The following SAMMSON variants were observed in gnomAD, a reference collection of about 807,000 sequenced individuals.
SAMMSON encodes the protein survival associated mitochondrial melanoma specific oncogenic non-coding RNA.
intron 4 of SAMMSON, among the ~76,000 whole-genome samples, chr3:70,189,433 C>T (rs1006059761): frequency 1.3e-5 from 2 of 152,148 alleles, no homozygotes; most frequent in African/African-American, 4.8e-5. Flanking sequence ...TCCTACAGGA[C>T]CAATCCAGCT....
intron 7 of SAMMSON, among the ~76,000 whole-genome samples, chr3:70,331,615 G>A (rs1702622052): frequency 6.6e-6 from 1 of 152,192 alleles, no homozygotes; most frequent in African/African-American, 2.4e-5. Flanking sequence ...TCAGAGATGT[G>A]CACTTTCACC....
intron 2 of SAMMSON, among the ~76,000 whole-genome samples, chr3:70,426,061 A>C (rs1701363761): frequency 6.6e-6 from 1 of 152,182 alleles, no homozygotes; most frequent in Non-Finnish European, 1.5e-5. Flanking sequence ...AGCACATGTG[A>C]TGTTTTCCTA....
At chr3:70,133,805 C>G (rs1269064483) in intron 4 of SAMMSON, among the ~76,000 whole-genome samples, 1 of 152,070 alleles carries the variant, frequency 6.6e-6, no homozygotes, top group Non-Finnish European at 1.5e-5. Context: ...TTTTTCCTTA[C>G]TCAGTCATAA....
At chr3:70,207,725 A>G (rs1701305850) in intron 4 of SAMMSON, among the ~76,000 whole-genome samples, 3 of 152,142 alleles carry the variant, frequency 2.0e-5, no homozygotes. Context: ...AGTATTAGGT[A>G]TGATAAATAA....
intron 2 of SAMMSON, among the ~76,000 whole-genome samples, chr3:70,421,027 T>A (rs1199204386): frequency 6.6e-6 from 1 of 152,126 alleles, no homozygotes; most frequent in Non-Finnish European, 1.5e-5. Context: ...TAACTACAAC[T>A]TTCATTTATG....
Position 70,337,335 on chromosome 3 carries a change from A to G in SAMMSON, n.740-16840A>G, listed in dbSNP as rs1702672834. On this transcript the variant is annotated intron_variant and non_coding_transcript_variant, in intron 7 of 9. Coordinates refer to ENST00000642114, the Ensembl canonical transcript of SAMMSON. Reference sequence around the variant, plus strand: ...TGGTCCCAGATTTAGAACCATACACAGAGTACCAGCTCCTCTTCTAGTCAA... The same window carrying G: ...TGGTCCCAGATTTAGAACCATACACGGAGTACCAGCTCCTCTTCTAGTCAA... 2.0e-5 allele frequency among the ~76,000 whole-genome samples: 3 copies of G among 151,470 alleles called. No homozygotes were observed. In the South Asian group the frequency reaches 6.2e-4, roughly 31 times the overall value.
chr3:70,144,716 G>A (rs1251235555), intron 4 of SAMMSON, among the ~76,000 whole-genome samples: 4 of 152,074 alleles, frequency 2.6e-5, no homozygotes, highest in Non-Finnish European at 5.9e-5. Context: ...TGCTGTTCCT[G>A]TGATAATGAA....
chr3:70,029,230 A>T (rs543775994), intron 3 of SAMMSON, among the ~76,000 whole-genome samples: 6 of 132,052 alleles, frequency 4.5e-5, no homozygotes, highest in African/African-American at 1.9e-4. Context: ...TCAGCCAGAC[A>T]CATACATAAT....
At chr3:70,062,967 T>A (rs982069276) in intron 3 of SAMMSON, among the ~76,000 whole-genome samples, 1 of 152,090 alleles carries the variant, frequency 6.6e-6, no homozygotes, top group South Asian at 2.1e-4. Context: ...TCCTTTATTT[T>A]TGAAAATGTT....
At chr3:70,106,792 C>T (rs1164237156) in intron 4 of SAMMSON, among the ~76,000 whole-genome samples, 1 of 152,162 alleles carries the variant, frequency 6.6e-6, no homozygotes, top group Non-Finnish European at 1.5e-5. Context: ...GTACACTTGT[C>T]TGGGATATAC....
chr3:70,294,074 A>G (rs1209562509), intron 7 of SAMMSON, among the ~76,000 whole-genome samples: 1 of 152,108 alleles, frequency 6.6e-6, no homozygotes, highest in Admixed American at 6.6e-5. Context: ...TTATAAAGAC[A>G]TGGCCATGTT....
At chr3:70,325,317 C>T (rs1190831764) in intron 7 of SAMMSON, among the ~76,000 whole-genome samples, 2 of 152,100 alleles carry the variant, frequency 1.3e-5, no homozygotes, top group Non-Finnish European at 2.9e-5. Flanking sequence ...TGTTGAGATA[C>T]ACTGTAAGTA....
chr3:70,395,899 G>A (rs1240919253), intron 2 of SAMMSON, among the ~76,000 whole-genome samples: 1 of 152,014 alleles, frequency 6.6e-6, no homozygotes, highest in African/African-American at 2.4e-5. Flanking sequence ...AGACAACCTG[G>A]GTCTGAACCT....
At chr3:70,054,592 T>A (rs1222787349) in intron 3 of SAMMSON, among the ~76,000 whole-genome samples, 1 of 152,092 alleles carries the variant, frequency 6.6e-6, no homozygotes, top group Non-Finnish European at 1.5e-5. Context: ...AACTTGACCA[T>A]GGTCACCATG....
chr3:70,031,301 G>A (rs1419248969), intron 3 of SAMMSON, among the ~76,000 whole-genome samples: 1 of 152,048 alleles, frequency 6.6e-6, no homozygotes, highest in Non-Finnish European at 1.5e-5. Flanking sequence ...GGACAAATAT[G>A]GTATGATTCC....
intron 4 of SAMMSON, chr3:70,125,837 T>C: frequency 1.5e-6 from 1 of 668,194 alleles, no homozygotes; most frequent in Non-Finnish European, 2.7e-6. Flanking sequence ...GCTAGTTCCA[T>C]TAGTTTGTTC....
intron 7 of SAMMSON, among the ~76,000 whole-genome samples, chr3:70,304,714 A>G (rs1190724451): frequency 1.3e-5 from 2 of 152,058 alleles, no homozygotes; most frequent in South Asian, 2.1e-4. Flanking sequence ...ATACTCTCCT[A>G]CTTTATTTCT....
rs571138868 is a variant in SAMMSON at position 70,007,933 on chromosome 3, G to A, written n.23-4424G>A. ...TTTCCCCATTTCTTTTTTTTGTCAG[G>A]TTGTCAAAGATCAGATGGTTGTAGA... On this transcript the variant is annotated intron_variant and non_coding_transcript_variant, in intron 1 of 9. Transcript: ENST00000642114. Among the ~76,000 whole-genome samples, 62 of 151,828 alleles carry A rather than the reference G, an allele frequency of 4.1e-4. No homozygotes were observed. The South Asian group carries it at 5.0e-3, about 12-fold the overall frequency.
intron 4 of SAMMSON, among the ~76,000 whole-genome samples, chr3:70,196,143 G>C (rs1291137404): frequency 1.3e-5 from 2 of 152,136 alleles, no homozygotes; most frequent in African/African-American, 4.8e-5. Context: ...GTGAAGAATT[G>C]AGATTTTTTT....
Sources: gnomAD v4.1 joint callset for allele counts (sites outside exome capture counted in the v4.1 genomes callset) on GRCh38, gnomAD v4.1.1 for gene constraint, MANE v1.5 for transcripts, NCBI Gene and HGNC (gene_info 2026-07-23, HGNC 2026-07-21) for gene names.